Variants in SLC47A2 observed in about 807,000 individuals in gnomAD.
The protein encoded by SLC47A2 is multidrug and toxin extrusion protein 2.
SLC47A2 carries 52 observed loss-of-function variants against 67.7 expected under a neutral mutation model. The ratio of observed to expected loss-of-function variants is 0.77; its 90% CI spans 0.61 to 0.97. The LOEUF (loss-of-function observed/expected upper bound fraction) is 0.97, where lower values mean the gene tolerates loss of function less well. Ranked by LOEUF, SLC47A2 falls within the 50% of genes least tolerant of loss-of-function variation. SLC47A2 has a pLI of 0.00. For synonymous variants in SLC47A2, 278 were observed against 292.9 expected (o/e 0.95, Z 0.52); for missense variants, 676 against 712.3 (o/e 0.95, Z 0.58).
intron 13 of SLC47A2, among the ~76,000 whole-genome samples, chr17:19,690,833 C>A (rs887200338): frequency 6.6e-6 from 1 of 151,864 alleles, no homozygotes; most frequent in African/African-American, 2.4e-5. Context: ...AGGGAACCCC[C>A]CTTGGCCGGG....
chr17:19,678,762 C>T lies in SLC47A2; in HGVS notation c.1625G>A (p.Arg542His), dbSNP rs138244461. ...RLSVKQLVIR[R>H]GAALGAASAT... ...TGACGCCGCCCCCAGAGCAGCCCCA[C>T]GGCGGATGACCAGCTGTTTCACTGA... is the stretch of plus-strand genomic sequence containing the variant. The change falls in exon 17 of 17, where the codon CGT (arginine) becomes CAT (histidine). Residue 542 changes from arginine to histidine, a missense_variant. Coordinates refer to ENST00000433844, the MANE Select transcript of SLC47A2 (RefSeq NM_001099646.3). 5.9e-4 allele frequency: 956 copies of T among 1,614,038 alleles called. No individual in the cohort carries two copies. Among genetic ancestry groups the T allele is most frequent in the Non-Finnish European group, 7.7e-4 (905 of 1,180,062 alleles).
chr17:19,693,346 C>T (rs2085585206), intron 13 of SLC47A2, among the ~76,000 whole-genome samples: 4 of 152,076 alleles, frequency 2.6e-5, no homozygotes. Flanking sequence ...AGGGATCTTT[C>T]TCAACTTGAA....
chr17:19,717,762 C>T (rs1277221282), upstream of SLC47A2: 1 of 152,046 alleles, frequency 6.6e-6, no homozygotes, highest in Non-Finnish European at 1.5e-5. Context: ...CAAACACAGG[C>T]ACAGCCCCAC....
chr17:19,679,431 G>T (rs1255116050), intron 16 of SLC47A2, among the ~76,000 whole-genome samples: 1 of 152,212 alleles, frequency 6.6e-6, no homozygotes, highest in Non-Finnish European at 1.5e-5. Context: ...TGGACACTGG[G>T]CACAAACCAG....
rs762163339 is a variant in SLC47A2, at chr17:19,706,700, C to G, written c.789G>C (p.Met263Ile). 2 of 1,611,602 alleles carry G rather than the reference C, an allele frequency of 1.2e-6. No individual in the cohort carries two copies. Among genetic ancestry groups the G allele is most frequent in the East Asian group, 2.2e-5 (1 of 44,672 alleles). ...GPFFSLAVPSMLMICVEWWAY... is the reference protein window; with the variant it reads ...GPFFSLAVPSILMICVEWWAY... ...CCCACCACTCAACACAGATCATGAG[C>G]ATGCTGGGGACAGCCAGGGAGAAGA... The change falls in exon 9 of 17, where the codon ATG becomes ATC. Residue 263 changes from methionine (M) to isoleucine (I), a missense_variant. By Grantham distance (10) the Met-to-Ile change is conservative. Transcript: ENST00000433844.
At chr17:19,697,563 T>C (rs2085691549) in intron 13 of SLC47A2, among the ~76,000 whole-genome samples, 1 of 152,188 alleles carries the variant, frequency 6.6e-6, no homozygotes, top group Non-Finnish European at 1.5e-5. Flanking sequence ...CCAAATATTA[T>C]ATTTTCATAT....
intron 9 of SLC47A2, among the ~76,000 whole-genome samples, chr17:19,706,173 C>T (rs900297198): frequency 4.6e-5 from 7 of 152,278 alleles, no homozygotes; most frequent in South Asian, 2.1e-4. Context: ...TCTGCAAATG[C>T]GGGGCAGGGC....
In SLC47A2 at chr17:19,715,122, C is replaced by T. The variant is rs539098390; in HGVS notation, c.219G>A (p.Ala73=). 6.8e-6 allele frequency: 11 copies of T among 1,611,868 alleles called. No individual in the cohort carries two copies. The South Asian group carries it at 9.9e-5, about 14-fold the overall frequency. Residue 73 remains alanine (A), a synonymous_variant, in exon 2 of 17, where the codon GCG becomes GCA. Coordinates refer to ENST00000433844, the MANE Select transcript of SLC47A2 (RefSeq NM_001099646.3). ...GKVELASVTL[A]VAFVNVCGVS... The stretch of plus-strand genomic sequence containing the variant: ...GGCCAAGCTGGGTACTCACGGCCAC[C>T]GCGAGGGTCACCGATGCCAGCTCCA...
At chr17:19,707,213 G>T (rs1033223559) in intron 8 of SLC47A2, among the ~76,000 whole-genome samples, 1 of 152,170 alleles carries the variant, frequency 6.6e-6, no homozygotes, top group African/African-American at 2.4e-5. Context: ...CCCACATGAG[G>T]CCCCAGGGGC....
intron 10 of SLC47A2, 122 bp downstream of exon 10, chr17:19,705,314 G>A (rs879308760): frequency 3.8e-6 from 4 of 1,053,836 alleles, no homozygotes; most frequent in Non-Finnish European, 5.5e-6. Context: ...GTGGGCACGA[G>A]AGGCCCGGGG....
At chr17:19,718,544 G>T (rs966078246), upstream of SLC47A2, 1 of 152,264 alleles carries the variant, frequency 6.6e-6, no homozygotes, top group Admixed American at 6.5e-5. Flanking sequence ...GCCAGTCCTA[G>T]GCCGAGCATC....
intron 13 of SLC47A2, among the ~76,000 whole-genome samples, chr17:19,686,908 A>G (rs2085441863): frequency 1.3e-5 from 2 of 152,230 alleles, no homozygotes; most frequent in Admixed American, 1.3e-4. Flanking sequence ...AGGTCAACAT[A>G]GAAACATTGG....
chr17:19,708,654 C>G (rs1037185636), intron 6 of SLC47A2, 62 bp downstream of exon 6: 1 of 1,606,160 alleles, frequency 6.2e-7, no homozygotes, highest in Non-Finnish European at 8.5e-7. Context: ...CCAGGCCCCC[C>G]TCCCACTGGA....
At position 19,713,407 on chromosome 17, in the gene SLC47A2, A is replaced by ATCATC. The variant is rs1567637509; in HGVS notation, c.443+417_443+418insGATGA. 3.6e-3 allele frequency among the ~76,000 whole-genome samples: 515 copies of ATCATC among 143,918 alleles called. 2 individuals carry two copies. Among genetic ancestry groups the ATCATC allele is most frequent in the African/African-American group, 0.014 (477 of 34,742 alleles). 94.4% of individuals were successfully genotyped at this position (143,918 alleles called of 152,430 possible). A position where few individuals can be genotyped will look rare whatever the true frequency, so the allele number is the denominator to read the frequency against. ...TGTCTCAAGTAATAATAATAATAAT[A>ATCATC]ATAATAATCATCATCATCATCATCA... On this transcript the variant is annotated intron_variant, in intron 4 of 16. Coordinates refer to ENST00000433844, the MANE Select transcript of SLC47A2 (RefSeq NM_001099646.3).
intron 5 of SLC47A2, among the ~76,000 whole-genome samples, chr17:19,710,179 C>T (rs542100761): frequency 6.6e-6 from 1 of 152,314 alleles, no homozygotes; most frequent in East Asian, 1.9e-4. Context: ...GCACACAGAA[C>T]TGCCAGTCGT....
intron 8 of SLC47A2, among the ~76,000 whole-genome samples, chr17:19,707,315 C>G (rs551532860): frequency 6.6e-6 from 1 of 152,208 alleles, no homozygotes; most frequent in Non-Finnish European, 1.5e-5. Context: ...GGCCCCTACA[C>G]GCCTGCTGTT....
At chr17:19,687,225 T>A (rs1050697054) in intron 13 of SLC47A2, among the ~76,000 whole-genome samples, 5 of 152,180 alleles carry the variant, frequency 3.3e-5, no homozygotes, top group African/African-American at 1.2e-4. Flanking sequence ...AGGAAATTTT[T>A]AAAATTTCTT....
rs2086196846 is a variant in SLC47A2 at position 19,714,540 on chromosome 17, G to A, written c.294+181C>T. The A allele has an allele frequency of 4.3e-6, 3 of 701,902 alleles. No individual in the cohort carries two copies. The East Asian group carries it at 7.5e-5, about 18-fold the overall frequency. The allele number at this position is 701,902 out of a possible 1,614,324, so 43.5% of individuals were successfully genotyped here. On this transcript the variant is annotated intron_variant, in intron 3 of 16. Transcript: ENST00000433844. The stretch of plus-strand genomic sequence containing the variant: ...TTCTCCTGGCCCAGACTCTTTCAAA[G>A]GGGAGGGTCTGTTTCCCTGACAGCC...
chr17:19,691,108 A>G (rs2085530304), intron 13 of SLC47A2, among the ~76,000 whole-genome samples: 1 of 151,250 alleles, frequency 6.6e-6, no homozygotes. Context: ...GGGCAACAAG[A>G]GCGAAACTCC....
Sources: gnomAD v4.1 joint callset for allele counts (sites outside exome capture counted in the v4.1 genomes callset) on GRCh38, gnomAD v4.1.1 for gene constraint, MANE v1.5 for transcripts, NCBI Gene and HGNC (gene_info 2026-07-23, HGNC 2026-07-21) for gene names.